Variants in SNX14 observed in about 807,000 individuals in gnomAD.
The protein encoded by SNX14 is sorting nexin 14, also known as sorting nexin-14.
In SNX14, 93 loss-of-function variants were observed where a neutral mutation model predicts 133.8. That is an observed-to-expected ratio of 0.70 (90% confidence interval 0.59 to 0.83). The LOEUF (loss-of-function observed/expected upper bound fraction) is 0.83, where lower values mean the gene tolerates loss of function less well. SNX14 is among the 40% of genes least tolerant of loss of function. The probability of loss-of-function intolerance (pLI) is 0.00; values close to 1 mark genes in which losing one functional copy is unlikely to be tolerated. For missense variants in SNX14, 945 were observed against 1,094.9 expected (o/e 0.86, Z 1.93); for synonymous variants, 368 against 365.6 (o/e 1.01, Z -0.07).
chr6:85,523,579 G>A (rs1035961458), intron 21 of SNX14, among the ~76,000 whole-genome samples: 17 of 152,112 alleles, frequency 1.1e-4, no homozygotes, highest in Non-Finnish European at 1.8e-4. Flanking sequence ...CAAGACCAGC[G>A]TGAGCAACAC....
intron 27 of SNX14, 38 bp downstream of exon 27, chr6:85,507,930 C>G (rs1212351531): frequency 1.3e-6 from 2 of 1,574,276 alleles, no homozygotes; most frequent in South Asian, 1.1e-5. Context: ...TTCACCAAAC[C>G]TAGCCAGCAT....
At chr6:85,506,184 T>C (rs2081495228) in intron 28 of SNX14, among the ~76,000 whole-genome samples, 179 bp from the exon 29 acceptor site, 2 of 152,132 alleles carry the variant, frequency 1.3e-5, no homozygotes, top group Admixed American at 6.5e-5. Context: ...AAAGGCAACG[T>C]TTAATGACAG....
intron 19 of SNX14, 48 bp downstream of exon 19, chr6:85,530,144 G>C (rs748141622): frequency 2.6e-6 from 3 of 1,169,946 alleles, no homozygotes; most frequent in East Asian, 2.5e-5. Context: ...TAGTTTTAAA[G>C]AATGCTAATG....
intron 5 of SNX14, 80 bp from the exon 6 acceptor site, chr6:85,565,499 C>CT: frequency 6.6e-6 from 7 of 1,061,320 alleles, no homozygotes; most frequent in Non-Finnish European, 9.5e-6. Flanking sequence ...GAAAATTTTC[C>CT]TTTTTTCTGT....
intron 18 of SNX14, among the ~76,000 whole-genome samples, chr6:85,532,569 A>G (rs1482055694): frequency 6.6e-6 from 1 of 152,160 alleles, no homozygotes; most frequent in Non-Finnish European, 1.5e-5. Context: ...TAACATTGCC[A>G]CTTTTTTTCC....
At chr6:85,586,366 T>A (rs1800864275) in intron 1 of SNX14, among the ~76,000 whole-genome samples, 1 of 152,192 alleles carries the variant, frequency 6.6e-6, no homozygotes, top group South Asian at 2.1e-4. Context: ...GAAAAAAATG[T>A]GTCAACCCTT....
chr6:85,519,331 T>C (rs1325641974), intron 21 of SNX14, among the ~76,000 whole-genome samples: 1 of 152,200 alleles, frequency 6.6e-6, no homozygotes, highest in Non-Finnish European at 1.5e-5. Context: ...TCAGATTACA[T>C]CATATAAAAT....
intron 12 of SNX14, among the ~76,000 whole-genome samples, chr6:85,544,614 C>A (rs1340865094): frequency 6.6e-6 from 1 of 152,072 alleles, no homozygotes; most frequent in African/African-American, 2.4e-5. Flanking sequence ...GCCTAGGGAA[C>A]ATAGTGAGAC....
In SNX14 at chr6:85,569,617, A is replaced by G. The variant is rs374616253; in HGVS notation, c.418-2040T>C. 2.0e-5 allele frequency among the ~76,000 whole-genome samples: 3 copies of G among 152,158 alleles called. No homozygotes were observed. In the South Asian group the frequency reaches 6.2e-4, roughly 32 times the overall value. ...GCCCTTAAAGTCATTTGATAGTCTCATTTCTAAAGGGCCACATAAAATCCT... is the reference window on the plus strand; with the variant it reads ...GCCCTTAAAGTCATTTGATAGTCTCGTTTCTAAAGGGCCACATAAAATCCT... On this transcript the variant is annotated intron_variant, in intron 4 of 28. Coordinates refer to ENST00000314673, the MANE Select transcript of SNX14 (RefSeq NM_153816.6).
intron 19 of SNX14, among the ~76,000 whole-genome samples, chr6:85,529,858 C>T (rs1274499620): frequency 2.0e-5 from 3 of 151,970 alleles, no homozygotes; most frequent in Non-Finnish European, 4.4e-5. Flanking sequence ...TAACTATATC[C>T]TTGATATTAA....
intron 1 of SNX14, among the ~76,000 whole-genome samples, chr6:85,586,224 T>A (rs2128235667): frequency 1.3e-5 from 2 of 152,314 alleles, no homozygotes; most frequent in South Asian, 4.1e-4. Context: ...GACAAAAGTA[T>A]ACCTGTTTTT....
rs138351790 is a variant in SNX14, at chr6:85,548,072, G to A, written c.867+229C>T. On this transcript the variant is annotated intron_variant, in intron 9 of 28. Coordinates refer to ENST00000314673, the MANE Select transcript of SNX14 (RefSeq NM_153816.6). ...AATTCATGGAGACAGAAAGCAGAAT[G>A]GTGGTTGCCAGGGGGGGCTGGAGGG... 3.7e-3 allele frequency among the ~76,000 whole-genome samples: 558 copies of A among 152,292 alleles called. 10 individuals are homozygous for A. Among genetic ancestry groups the A allele is most frequent in the Admixed American group, 0.034 (519 of 15,290 alleles).
chr6:85,505,677 G>C lies in SNX14; in HGVS notation c.*290C>G. On this transcript the variant is annotated 3_prime_UTR_variant, in exon 29 of 29. Coordinates refer to ENST00000314673, the MANE Select transcript of SNX14 (RefSeq NM_153816.6). ...AAGCTATACAATACGAAGTTTATCA[G>C]TCTTATCTGTTTGCCATAACATCAT... The C allele has an allele frequency of 2.7e-6, 1 of 371,124 alleles. No individual in the cohort carries two copies. 23.0% of individuals were successfully genotyped at this position (371,124 alleles called of 1,614,324 possible). A position where few individuals can be genotyped will look rare whatever the true frequency, so the allele number is the denominator to read the frequency against.
At chr6:85,558,969 AATC>A (rs1386179889) in intron 6 of SNX14, among the ~76,000 whole-genome samples, 1 of 152,088 alleles carries the variant, frequency 6.6e-6, no homozygotes, top group Non-Finnish European at 1.5e-5. Flanking sequence ...ATTATAAATA[AATC>A]AACAAAAAGC....
Position 85,543,186 on chromosome 6 carries a change from T to C in SNX14, c.1385A>G (p.Asp462Gly). The C allele has an allele frequency of 6.5e-7, 1 of 1,542,412 alleles. No homozygotes were observed. Among genetic ancestry groups the C allele is most frequent in the Non-Finnish European group, 8.7e-7 (1 of 1,150,538 alleles). Reference sequence around the variant, plus strand: ...AAGGTTAATATTTTGACTTACCTCATCACTATGGCAGAACATAGGAGTAAA... The same window carrying C: ...AAGGTTAATATTTTGACTTACCTCACCACTATGGCAGAACATAGGAGTAAA... ...NVFTPMFCHS[D>G]EYFRQLLRGA... The change falls in exon 14 of 29, where the codon GAT (aspartate) becomes GGT (glycine). Residue 462 changes from aspartate (D) to glycine (G), a missense_variant. By Grantham distance (94) the Asp-to-Gly change is moderately conservative. This residue lies in a region of SNX14 where 514 missense variants were observed against 538.8 expected (regional missense o/e 0.95). Transcript: ENST00000314673.
At chr6:85,529,544 G>A (rs760881476) in intron 19 of SNX14, among the ~76,000 whole-genome samples, 1 of 152,164 alleles carries the variant, frequency 6.6e-6, no homozygotes, top group Non-Finnish European at 1.5e-5. Flanking sequence ...GAAAGAACGA[G>A]GATGGTACTG....
At chr6:85,527,276 T>C (rs1162839142) in intron 20 of SNX14, among the ~76,000 whole-genome samples, 1 of 152,134 alleles carries the variant, frequency 6.6e-6, no homozygotes, top group Non-Finnish European at 1.5e-5. Flanking sequence ...AATGAGTTAA[T>C]AGTATCAACA....
At position 85,505,573 on chromosome 6, in the gene SNX14, A is replaced by G. The variant is rs1365489515; in HGVS notation, c.*394T>C. 1 of 182,804 alleles carries G rather than the reference A, an allele frequency of 5.5e-6. No individual in the cohort carries two copies. The highest frequency in any genetic ancestry group is 6.3e-5 in the Admixed American group (1 of 15,884). The allele number at this position is 182,804 out of a possible 1,614,324, so 11.3% of individuals were successfully genotyped here. A position where few individuals can be genotyped will look rare whatever the true frequency, so the allele number is the denominator to read the frequency against. Reference sequence around the variant, plus strand: ...TATGTACAAAATAAAAAAAAGGAAAACCAATCTACTAAAATATATTAACTC... The same window carrying G: ...TATGTACAAAATAAAAAAAAGGAAAGCCAATCTACTAAAATATATTAACTC... On this transcript the variant is annotated 3_prime_UTR_variant, in exon 29 of 29. Transcript: ENST00000314673.
intron 2 of SNX14, among the ~76,000 whole-genome samples, chr6:85,572,744 C>T (rs1351077849): frequency 1.3e-5 from 2 of 152,078 alleles, no homozygotes; most frequent in Non-Finnish European, 2.9e-5. Context: ...ATGGCTTGAG[C>T]CCAGGAGTTT....
Sources: allele counts gnomAD v4.1 joint callset (sites outside exome capture counted in the v4.1 genomes callset), GRCh38; gene constraint gnomAD v4.1.1; regional missense constraint gnomAD v4.1.1; transcripts MANE v1.5; gene names NCBI Gene and HGNC (gene_info 2026-07-23, HGNC 2026-07-21).